SMARCC1: variants seen among roughly 807,000 people sequenced by gnomAD.
SMARCC1 encodes SWI/SNF related BAF chromatin remodeling complex subunit C1.
SMARCC1 carries 43 observed loss-of-function variants against 147.4 expected under a neutral mutation model. That is an observed-to-expected ratio of 0.29 (90% CI 0.23 to 0.38). The LOEUF is 0.38. Among genes scored for constraint, SMARCC1 ranks in the 10% least tolerant of loss-of-function variants. The probability of loss-of-function intolerance (pLI) is 1.00; values close to 1 mark genes in which losing one functional copy is unlikely to be tolerated. For synonymous variants in SMARCC1, 495 were observed against 484.4 expected, an observed-to-expected ratio of 1.02 and a Z score of -0.29; for missense variants, 1,119 against 1,381.1, an observed-to-expected ratio of 0.81 and a Z score of 3.01.
At chr3:47,636,788 ATGTGTG>A (rs35445330) in intron 22 of SMARCC1, among the ~76,000 whole-genome samples, 11,843 of 80,222 alleles carry the variant, frequency 0.15, 513 homozygotes, top group African/African-American at 0.17. Context: ...AAATATATAT[ATGTGTG>A]TGTGTGTGTG....
At chr3:47,745,167 G>A (rs542560764) in intron 3 of SMARCC1, among the ~76,000 whole-genome samples, 8 of 152,276 alleles carry the variant, frequency 5.3e-5, no homozygotes, top group Non-Finnish European at 1.0e-4. Context: ...TTACTCAGGA[G>A]GCTGAGGCAG....
At chr3:47,624,915 A>T (rs886446293) in intron 24 of SMARCC1, among the ~76,000 whole-genome samples, 1 of 138,536 alleles carries the variant, frequency 7.2e-6, no homozygotes, top group Admixed American at 7.2e-5. Context: ...AAAAAAAAAA[A>T]GCTGGATGTG....
chr3:47,684,388 C>T (rs1290751648), intron 14 of SMARCC1, among the ~76,000 whole-genome samples: 2 of 151,906 alleles, frequency 1.3e-5, no homozygotes, highest in Non-Finnish European at 2.9e-5. Context: ...ATTTTAAAAG[C>T]CTCCTGATGT....
At chr3:47,676,841 A>G in intron 16 of SMARCC1, 59 bp from the exon 17 acceptor site, 1 of 1,419,714 alleles carries the variant, frequency 7.0e-7, no homozygotes, top group Non-Finnish European at 9.9e-7. Context: ...TGCTTTTACT[A>G]TCATCATCAT....
intron 26 of SMARCC1, chr3:47,603,925 A>G (rs1442205871): frequency 2.4e-6 from 1 of 414,498 alleles, no homozygotes; most frequent in Non-Finnish European, 4.8e-6. Context: ...CAAAAGTTGG[A>G]GTTATCAGGT....
At chr3:47,691,831 G>C (rs7640971) in intron 12 of SMARCC1, among the ~76,000 whole-genome samples, 138,844 of 151,934 alleles carry the variant, frequency 0.91, 64,733 homozygotes, top group East Asian at 1. Flanking sequence ...AAAACCCCAT[G>C]TCTACTAATA....
chr3:47,776,292 G>A (rs890540376), intron 1 of SMARCC1, among the ~76,000 whole-genome samples: 12 of 152,044 alleles, frequency 7.9e-5, no homozygotes, highest in Non-Finnish European at 1.2e-4. Flanking sequence ...TTTTGTACAC[G>A]GTAAAGCAAC....
chr3:47,617,350 CT>C (rs1215488852), intron 25 of SMARCC1, among the ~76,000 whole-genome samples: 5 of 152,212 alleles, frequency 3.3e-5, no homozygotes, highest in Non-Finnish European at 7.3e-5. Flanking sequence ...TACTTTCTTG[CT>C]TATGGCTTCC....
chr3:47,651,857 G>C (rs2033194618), intron 21 of SMARCC1, among the ~76,000 whole-genome samples: 1 of 152,190 alleles, frequency 6.6e-6, no homozygotes. Context: ...CTAGCATCCA[G>C]AACACAAAGA....
intron 1 of SMARCC1, 89 bp downstream of exon 1, chr3:47,781,514 G>C (rs925268886): frequency 7.9e-5 from 72 of 907,626 alleles, no homozygotes; most frequent in Non-Finnish European, 1.1e-4. Flanking sequence ...GCGTGCGGGG[G>C]GGAGGGGCGG....
intron 21 of SMARCC1, among the ~76,000 whole-genome samples, chr3:47,651,588 A>ATT (rs2033191733): frequency 6.6e-6 from 1 of 152,112 alleles, no homozygotes; most frequent in South Asian, 2.1e-4. Context: ...TGCTCACCTT[A>ATT]TTTACATCTT....
At chr3:47,738,424 G>A (rs2034470537) in intron 3 of SMARCC1, among the ~76,000 whole-genome samples, 1 of 152,138 alleles carries the variant, frequency 6.6e-6, no homozygotes, top group Non-Finnish European at 1.5e-5. Context: ...AGTGGCTGAC[G>A]CCTGTAATCC....
intron 25 of SMARCC1, among the ~76,000 whole-genome samples, chr3:47,614,744 ACTCT>A (rs943712927): frequency 1.7e-4 from 26 of 151,988 alleles, no homozygotes; most frequent in African/African-American, 5.8e-4. Context: ...CTTATAATTT[ACTCT>A]CTCTAACACA....
At position 47,610,245 on chromosome 3, in the gene SMARCC1, C is replaced by T. The variant is rs1380797800; in HGVS notation, c.2864G>A (p.Arg955Gln). The T allele has an allele frequency of 1.2e-6, 2 of 1,614,170 alleles. No individual in the cohort carries two copies. The highest frequency in any genetic ancestry group is 1.7e-6 in the Non-Finnish European group (2 of 1,180,046). The change falls in exon 26 of 28, where the codon CGA (arginine) becomes CAA (glutamine). Residue 955 changes from arginine (R) to glutamine (Q), a missense_variant. Around this residue, in one of 6 missense-constraint regions of SMARCC1, gnomAD observed 186 missense variants for 216.5 expected, o/e 0.86. Coordinates refer to ENST00000254480, the MANE Select transcript of SMARCC1 (RefSeq NM_003074.4). ...EQLKYAELRA[R>Q]QQMEQQQHGQ... is the part of the protein sequence containing the mutation. Reference sequence around the variant, plus strand: ...ATGCTGCTGCTGTTCCATTTGCTGTCGTGCTCGTAATTCAGCATACTTCAG... The same window carrying T: ...ATGCTGCTGCTGTTCCATTTGCTGTTGTGCTCGTAATTCAGCATACTTCAG...
Position 47,641,399 on chromosome 3 carries a change from C to T in SMARCC1, c.2321-2619G>A, listed in dbSNP as rs138092322. 4.3e-3 allele frequency among the ~76,000 whole-genome samples: 662 copies of T among 152,214 alleles called. 6 individuals are homozygous for T. Among genetic ancestry groups the T allele is most frequent in the African/African-American group, 0.015 (608 of 41,534 alleles). On this transcript the variant is annotated intron_variant, in intron 21 of 27. Transcript: ENST00000254480. Reference sequence around the variant, plus strand: ...ACTCAGGAGGCTGAGGGAGCAGGATCGCCTGAGCCTGGGAGGTCAAGACTG... The same window carrying T: ...ACTCAGGAGGCTGAGGGAGCAGGATTGCCTGAGCCTGGGAGGTCAAGACTG...
At chr3:47,757,973 G>C (rs1219346970) in intron 2 of SMARCC1, among the ~76,000 whole-genome samples, 3 of 151,844 alleles carry the variant, frequency 2.0e-5, no homozygotes, top group Non-Finnish European at 4.4e-5. Flanking sequence ...TTGAGCAAAA[G>C]AAATATATAA....
intron 2 of SMARCC1, among the ~76,000 whole-genome samples, chr3:47,769,982 T>C (rs993227303): frequency 3.3e-5 from 5 of 151,892 alleles, no homozygotes; most frequent in East Asian, 1.9e-4. Context: ...TCCCAGCACT[T>C]TGGGAGGCCG....
intron 19 of SMARCC1, chr3:47,670,435 A>C (rs1275188297): frequency 2.0e-6 from 1 of 495,416 alleles, no homozygotes; most frequent in Admixed American, 3.7e-5. Context: ...AAATACAAAA[A>C]TTAGCCAGGC....
intron 26 of SMARCC1, among the ~76,000 whole-genome samples, chr3:47,592,785 G>C (rs1186523922): frequency 6.8e-6 from 1 of 146,198 alleles, no homozygotes; most frequent in Admixed American, 6.9e-5. Context: ...TTTTTGTAGA[G>C]ATGGGGTCTC....
Sources: gnomAD v4.1 joint callset for allele counts (sites outside exome capture counted in the v4.1 genomes callset) on GRCh38, gnomAD v4.1.1 for gene constraint, gnomAD v4.1.1 regional missense constraint, MANE v1.5 for transcripts, NCBI Gene and HGNC (gene_info 2026-07-23, HGNC 2026-07-21) for gene names.